The following SORT1 variants were observed in gnomAD, a reference collection of about 807,000 sequenced individuals.
The protein encoded by SORT1 is sortilin.
In SORT1, 39 loss-of-function variants were observed where a neutral mutation model predicts 101.7. The observed-to-expected ratio is 0.38, with a 90% CI of 0.30 to 0.50. The LOEUF is 0.50. Ranked by LOEUF, SORT1 falls within the 20% of genes least tolerant of loss-of-function variation. SORT1 has a pLI of 0.90. For missense variants in SORT1, 878 were observed against 1,040.4 expected, an observed-to-expected ratio of 0.84 and a Z score of 2.15; for synonymous variants, 396 against 393.7, an observed-to-expected ratio of 1.01 and a Z score of -0.07.
At chr1:109,352,490 T>C (rs1650035229) in intron 5 of SORT1, among the ~76,000 whole-genome samples, 1 of 152,230 alleles carries the variant, frequency 6.6e-6, no homozygotes, top group Admixed American at 6.5e-5. Context: ...ACACCGGCAA[T>C]GTGAGCTTAC....
intron 1 of SORT1, among the ~76,000 whole-genome samples, chr1:109,381,785 G>GT (rs1405220285): frequency 2.0e-5 from 3 of 152,002 alleles, no homozygotes; most frequent in Non-Finnish European, 4.4e-5. Context: ...CACTGTTTGA[G>GT]CCCAGGAGGT....
At chr1:109,344,664 G>A (rs937801511) in intron 8 of SORT1, among the ~76,000 whole-genome samples, 6 of 152,054 alleles carry the variant, frequency 3.9e-5, no homozygotes, top group Admixed American at 1.3e-4. Context: ...ATTTCTTCGC[G>A]GCTTTAATTA....
At position 109,316,883 on chromosome 1, in the gene SORT1, T is replaced by C. The variant is rs190503488; in HGVS notation, c.2217A>G (p.Lys739=). ...PVREVKDLKK[K]CTSNFLSPEK... ...CCGGACTCAAAAAGTTGCTTGTGCA[T>C]TTCTTTTTCAAGTCTTTTACTTCTC... The change falls in exon 17 of 20, where the codon AAA becomes AAG. Residue 739 remains lysine (K), a synonymous_variant. Transcript: ENST00000256637. 38 of 1,612,338 alleles carry C rather than the reference T, an allele frequency of 2.4e-5. No homozygotes were observed. Among genetic ancestry groups the C allele is most frequent in the Admixed American group, 2.0e-4 (12 of 59,724 alleles).
Position 109,323,110 on chromosome 1 carries a change from CCTT to C in SORT1, c.1843_1845del (p.Lys615del). 1.2e-6 allele frequency: 2 copies of C among 1,613,698 alleles called. No homozygotes were observed. Among genetic ancestry groups the C allele is most frequent in the Non-Finnish European group, 1.7e-6 (2 of 1,179,626 alleles). ...GAGTGTGCCAGCCATATGGTATAGT[CCTT>C]CTCTTCACCTAAAGGAGAGACACAC... On this transcript the variant is annotated inframe_deletion, in exon 15 of 20. Coordinates refer to ENST00000256637, the MANE Select transcript of SORT1 (RefSeq NM_002959.7).
intron 15 of SORT1, among the ~76,000 whole-genome samples, chr1:109,321,238 T>C (rs528546460): frequency 6.6e-6 from 1 of 152,226 alleles, no homozygotes; most frequent in Admixed American, 6.5e-5. Context: ...AGTGCTGTAA[T>C]AGGGGAACTC....
At chr1:109,390,798 T>TGTGTGTGTGC (rs749556914) in intron 1 of SORT1, among the ~76,000 whole-genome samples, 47 of 144,954 alleles carry the variant, frequency 3.2e-4, no homozygotes, top group African/African-American at 1.2e-3. Context: ...TGTGTGTGTG[T>TGTGTGTGTGC]GCGCGCGCGC....
At chr1:109,355,655 C>CG (rs1181827697) in intron 3 of SORT1, among the ~76,000 whole-genome samples, 186 bp from the exon 4 acceptor site, 2 of 141,574 alleles carry the variant, frequency 1.4e-5, no homozygotes, top group African/African-American at 2.6e-5. Flanking sequence ...GCCCCCCCCC[C>CG]CACAAACCCA....
At chr1:109,326,530 T>C (rs1404460571) in intron 13 of SORT1, among the ~76,000 whole-genome samples, 8 of 143,440 alleles carry the variant, frequency 5.6e-5, no homozygotes, top group South Asian at 2.2e-4. Flanking sequence ...TATATACACA[T>C]ATATATACAT....
At chr1:109,323,377 A>AGTG (rs1647772443) in intron 14 of SORT1, among the ~76,000 whole-genome samples, 1 of 152,244 alleles carries the variant, frequency 6.6e-6, no homozygotes, top group Non-Finnish European at 1.5e-5. Flanking sequence ...TTTGTTTTGA[A>AGTG]GTGGGAAGCT....
At chr1:109,361,255 T>C (rs898944688) in intron 3 of SORT1, among the ~76,000 whole-genome samples, 5 of 152,262 alleles carry the variant, frequency 3.3e-5, no homozygotes, top group African/African-American at 9.6e-5. Flanking sequence ...ATTTCATTGC[T>C]TGCAAGTTCT....
At position 109,347,540 on chromosome 1, in the gene SORT1, G is replaced by T; in HGVS notation, c.783-8C>A. Reference sequence around the variant, plus strand: ...ATGGTGTTGTCTGATCCCCTACAATGAGGCAAAAACAGGGAAAAGAAATGG... The same window carrying T: ...ATGGTGTTGTCTGATCCCCTACAATTAGGCAAAAACAGGGAAAAGAAATGG... On this transcript the variant is annotated splice_region_variant and splice_polypyrimidine_tract_variant and intron_variant, in intron 6 of 19. Transcript: ENST00000256637. 6.2e-7 allele frequency: 1 copy of T among 1,603,576 alleles called. No individual in the cohort carries two copies. The highest frequency in any genetic ancestry group is 1.1e-5 in the South Asian group (1 of 90,854).
chr1:109,367,448 G>C lies in SORT1; in HGVS notation c.400C>G (p.Leu134Val). 1 of 1,608,418 alleles carries C rather than the reference G, an allele frequency of 6.2e-7. No homozygotes were observed. The change falls in exon 3 of 20, where the codon CTG becomes GTG. Residue 134 changes from leucine (L) to valine (V), a missense_variant. By Grantham distance (32) the Leu-to-Val change is conservative. Around this residue, in one of 2 missense-constraint regions of SORT1, gnomAD observed 684 missense variants for 894.5 expected, o/e 0.76. Transcript: ENST00000256637. ...GACTGTCCAAAAGTCATAATTACCAGTGGTACATGGAAGGTAGTCAAGACT... is the reference window on the plus strand; with the variant it reads ...GACTGTCCAAAAGTCATAATTACCACTGGTACATGGAAGGTAGTCAAGACT... ...ILVLTTFHVP[L>V]VIMTFGQSKL...
At chr1:109,389,520 C>A (rs116232659) in intron 1 of SORT1, among the ~76,000 whole-genome samples, 4,077 of 152,226 alleles carry the variant, frequency 0.027, 178 homozygotes, top group African/African-American at 0.092. Context: ...GTCAGCCAGC[C>A]GCATCAGCAA....
chr1:109,360,025 A>G (rs1570949669), intron 3 of SORT1, among the ~76,000 whole-genome samples: 1 of 152,202 alleles, frequency 6.6e-6, no homozygotes, highest in East Asian at 1.9e-4. Context: ...GAAATGGAAA[A>G]GACGAAAGGT....
intron 17 of SORT1, among the ~76,000 whole-genome samples, chr1:109,315,655 G>C (rs1179495428): frequency 6.6e-6 from 1 of 151,820 alleles, no homozygotes; most frequent in Non-Finnish European, 1.5e-5. Context: ...TCATGCTGCT[G>C]GTCTAGTGTT....
chr1:109,314,211 T>C lies in SORT1; in HGVS notation c.2481+50A>G, dbSNP rs1445606585. 20 of 1,156,792 alleles carry C rather than the reference T, an allele frequency of 1.7e-5. No homozygotes were observed. The Admixed American group carries it at 3.6e-4, about 21-fold the overall frequency. 71.7% of individuals were successfully genotyped at this position (1,156,792 alleles called of 1,614,324 possible). A position where few individuals can be genotyped will look rare whatever the true frequency, so the allele number is the denominator to read the frequency against. On this transcript the variant is annotated intron_variant, in intron 19 of 19. Transcript: ENST00000256637. ...GAATAGAAGACAGACTTTATTTTCTTGTATTTTTTGGGGGGGGGGGTACTA... is the reference window on the plus strand; with the variant it reads ...GAATAGAAGACAGACTTTATTTTCTCGTATTTTTTGGGGGGGGGGGTACTA...
At chr1:109,354,314 C>A in intron 5 of SORT1, 53 bp downstream of exon 5, 1 of 1,383,936 alleles carries the variant, frequency 7.2e-7, no homozygotes, top group South Asian at 1.2e-5. Context: ...TAAGACAGTA[C>A]ATTTGAGACT....
intron 10 of SORT1, among the ~76,000 whole-genome samples, chr1:109,338,183 G>C (rs573796580): frequency 6.6e-6 from 1 of 152,278 alleles, no homozygotes; most frequent in Non-Finnish European, 1.5e-5. Context: ...TAATACATGA[G>C]TACAGACATA....
In SORT1 at chr1:109,312,079, G is replaced by C. The variant is rs1658761509; in HGVS notation, c.*1964C>G. On this transcript the variant is annotated 3_prime_UTR_variant, in exon 20 of 20. Coordinates refer to ENST00000256637, the MANE Select transcript of SORT1 (RefSeq NM_002959.7). The stretch of plus-strand genomic sequence containing the variant: ...TTGAGTTTCCTACGTCTTAAAATGA[G>C]TAAGAGGATTACCATGTATTGGTGC... 6.6e-6 allele frequency: 1 copy of C among 152,294 alleles called. No individual in the cohort carries two copies. The highest frequency in any genetic ancestry group is 2.1e-4 in the South Asian group (1 of 4,828). The allele number at this position is 152,294 out of a possible 1,614,324, so 9.4% of individuals were successfully genotyped here. A position where few individuals can be genotyped will look rare whatever the true frequency, so the allele number is the denominator to read the frequency against.
Sources: gnomAD v4.1 joint callset for allele counts (sites outside exome capture counted in the v4.1 genomes callset) on GRCh38, gnomAD v4.1.1 for gene constraint, gnomAD v4.1.1 regional missense constraint, MANE v1.5 for transcripts, NCBI Gene and HGNC (gene_info 2026-07-23, HGNC 2026-07-21) for gene names.